MAGI2: variants seen among roughly 807,000 people sequenced by gnomAD.
MAGI2 encodes the protein membrane associated guanylate kinase, WW and PDZ domain containing 2, also known as membrane-associated guanylate kinase, WW and PDZ domain-containing protein 2.
A neutral mutation model predicts 133.3 loss-of-function variants in MAGI2; 35 were observed. That is an observed-to-expected ratio of 0.26 (90% CI 0.20 to 0.35). The LOEUF (loss-of-function observed/expected upper bound fraction) is 0.35, where lower values mean the gene tolerates loss of function less well. MAGI2 is among the 10% of genes least tolerant of loss of function. The pLI is 1.00. For missense variants in MAGI2, 1,636 were observed against 1,863.4 expected (o/e 0.88, Z 2.25); for synonymous variants, 729 against 710.6 (o/e 1.03, Z -0.41).
intron 1 of MAGI2, among the ~76,000 whole-genome samples, chr7:79,401,808 G>A (rs984711574): frequency 4.6e-5 from 7 of 151,964 alleles, no homozygotes; most frequent in African/African-American, 9.7e-5. Context: ...GCCTCCACAC[G>A]TGATGAACAG....
chr7:78,471,033 C>T (rs1326739320), intron 6 of MAGI2, among the ~76,000 whole-genome samples: 2 of 152,058 alleles, frequency 1.3e-5, no homozygotes, highest in Non-Finnish European at 2.9e-5. Context: ...AAGAATGAAA[C>T]ATTTATATTG....
At chr7:78,152,370 G>A (rs1160987967) in intron 16 of MAGI2, among the ~76,000 whole-genome samples, 1 of 152,170 alleles carries the variant, frequency 6.6e-6, no homozygotes, top group Non-Finnish European at 1.5e-5. Flanking sequence ...ATGCCCCAGG[G>A]TCTTGAATGG....
At chr7:78,088,375 CTG>C (rs1208726262) in intron 20 of MAGI2, among the ~76,000 whole-genome samples, 3 of 152,184 alleles carry the variant, frequency 2.0e-5, no homozygotes, top group East Asian at 1.9e-4. Context: ...CTCTCTCAGA[CTG>C]TGTGTGCACC....
intron 1 of MAGI2, among the ~76,000 whole-genome samples, chr7:79,235,513 C>T (rs1201093227): frequency 2.6e-5 from 4 of 152,174 alleles, no homozygotes; most frequent in Non-Finnish European, 4.4e-5. Context: ...GTTTTTTAAG[C>T]GGGTCTGAAA....
At chr7:78,803,257 G>A (rs558385685) in intron 2 of MAGI2, among the ~76,000 whole-genome samples, 8 of 152,104 alleles carry the variant, frequency 5.3e-5, no homozygotes, top group Non-Finnish European at 1.0e-4. Flanking sequence ...CTGCTAATAA[G>A]AGCAAGTCAG....
At chr7:79,285,792 G>T (rs1208953068) in intron 1 of MAGI2, among the ~76,000 whole-genome samples, 2 of 152,100 alleles carry the variant, frequency 1.3e-5, no homozygotes, top group Non-Finnish European at 2.9e-5. Flanking sequence ...CCCAAAGAGA[G>T]GTTGTCTTTT....
chr7:78,301,953 A>C (rs1453253757), intron 9 of MAGI2, among the ~76,000 whole-genome samples: 2 of 152,180 alleles, frequency 1.3e-5, no homozygotes, highest in East Asian at 3.9e-4. Flanking sequence ...ATGCCTATTG[A>C]AAGGGTTATC....
chr7:79,331,002 T>C (rs1840035196), intron 1 of MAGI2, among the ~76,000 whole-genome samples: 1 of 152,320 alleles, frequency 6.6e-6, no homozygotes, highest in South Asian at 2.1e-4. Flanking sequence ...TCTTTAATTA[T>C]TTTTCAATTA....
chr7:78,973,143 C>T (rs1302967665), intron 2 of MAGI2, among the ~76,000 whole-genome samples: 1 of 151,918 alleles, frequency 6.6e-6, no homozygotes, highest in African/African-American at 2.4e-5. Context: ...TACAATTATG[C>T]TCTGGGGTGT....
chr7:78,927,257 C>T (rs1259544608), intron 2 of MAGI2, among the ~76,000 whole-genome samples: 2 of 151,832 alleles, frequency 1.3e-5, no homozygotes, highest in Non-Finnish European at 2.9e-5. Context: ...TCACCATTAC[C>T]CAATATTTTT....
intron 2 of MAGI2, among the ~76,000 whole-genome samples, chr7:78,668,164 C>T (rs1294131457): frequency 4.4e-4 from 67 of 152,088 alleles, no homozygotes; most frequent in African/African-American, 8.4e-4. Context: ...CATTTTTTCA[C>T]GTGTTTTTTG....
At chr7:79,235,390 A>C (rs971969748) in intron 1 of MAGI2, among the ~76,000 whole-genome samples, 17 of 151,296 alleles carry the variant, frequency 1.1e-4, no homozygotes, top group African/African-American at 2.9e-4. Flanking sequence ...CCCCTCCCCC[A>C]GCCTCGCTGC....
chr7:78,298,810 GTTTTTTTTTTTTT>G (rs71085520), intron 9 of MAGI2, among the ~76,000 whole-genome samples: 1 of 79,606 alleles, frequency 1.3e-5, no homozygotes, highest in Admixed American at 1.6e-4. Flanking sequence ...TGGCCTAAAC[GTTTTTTTTTTTTT>G]TTTTTTTTTT....
chr7:78,694,173 A>C (rs1321555325), intron 2 of MAGI2, among the ~76,000 whole-genome samples: 1 of 152,130 alleles, frequency 6.6e-6, no homozygotes. Context: ...CAACAAATCC[A>C]AAGTACCTAG....
chr7:78,979,354 C>A (rs1363561653), intron 2 of MAGI2, among the ~76,000 whole-genome samples: 1 of 151,714 alleles, frequency 6.6e-6, no homozygotes, highest in Non-Finnish European at 1.5e-5. Context: ...AAAAAAGTCC[C>A]CCCCCAGCCA....
At chr7:78,345,589 C>A (rs1034050984) in intron 8 of MAGI2, 6 of 240,378 alleles carry the variant, frequency 2.5e-5, no homozygotes, top group Non-Finnish European at 4.9e-5. Context: ...CAAAGGAGAA[C>A]AAGCCTCATT....
chr7:78,486,823 G>A (rs888963582), intron 6 of MAGI2: 7 of 454,356 alleles, frequency 1.5e-5, no homozygotes, highest in Admixed American at 1.2e-4. Flanking sequence ...AGAAATTGCT[G>A]TCCCTGAGCT....
chr7:78,534,727 G>C (rs57061596), intron 3 of MAGI2, among the ~76,000 whole-genome samples: 7,223 of 152,240 alleles, frequency 0.047, 573 homozygotes, highest in African/African-American at 0.16. Flanking sequence ...TTTGTTTCTA[G>C]ACTGATGACC....
intron 9 of MAGI2, among the ~76,000 whole-genome samples, chr7:78,340,664 A>G (rs371303356): frequency 3.9e-4 from 60 of 152,326 alleles, no homozygotes; most frequent in African/African-American, 1.1e-3. Flanking sequence ...ATGCAAATCA[A>G]TAAACGTAAT....
Sources: allele counts gnomAD v4.1 joint callset (sites outside exome capture counted in the v4.1 genomes callset), GRCh38; gene constraint gnomAD v4.1.1; transcripts MANE v1.5; gene names NCBI Gene and HGNC (gene_info 2026-07-23, HGNC 2026-07-21).